The following IFT74 variants were observed in gnomAD, a reference collection of about 807,000 sequenced individuals.
IFT74 encodes intraflagellar transport protein 74 homolog.
In IFT74, 92 loss-of-function variants were observed where a neutral mutation model predicts 96.7. The ratio of observed to expected loss-of-function variants is 0.95; its 90% CI spans 0.80 to 1.13. The LOEUF (loss-of-function observed/expected upper bound fraction) is 1.13, where lower values mean the gene tolerates loss of function less well. Among genes scored for constraint, IFT74 ranks in the 50% most tolerant of loss-of-function variants. IFT74 has a pLI of 0.00. For synonymous variants in IFT74, 223 were observed against 213.2 expected, an observed-to-expected ratio of 1.05 and a Z score of -0.40; for missense variants, 811 against 698.2, an observed-to-expected ratio of 1.16 and a Z score of -1.82.
intron 4 of IFT74, among the ~76,000 whole-genome samples, chr9:26,983,037 A>T (rs917834295): frequency 1.3e-5 from 2 of 152,072 alleles, no homozygotes; most frequent in Non-Finnish European, 2.9e-5. Flanking sequence ...CATTATTTGT[A>T]TCTTCTTTCT....
chr9:26,968,424 G>T (rs981515527), intron 2 of IFT74, among the ~76,000 whole-genome samples: 4 of 151,976 alleles, frequency 2.6e-5, no homozygotes, highest in Admixed American at 2.6e-4. Context: ...ACCACGTCTG[G>T]CTAATTTTTA....
intron 16 of IFT74, among the ~76,000 whole-genome samples, chr9:27,053,009 A>G (rs1055328838): frequency 2.6e-5 from 4 of 151,794 alleles, no homozygotes; most frequent in Admixed American, 2.0e-4. Context: ...GACTACAGGC[A>G]CCCACCACCT....
intron 1 of IFT74, among the ~76,000 whole-genome samples, chr9:26,959,757 G>A (rs564089664): frequency 6.6e-6 from 1 of 152,274 alleles, no homozygotes; most frequent in African/African-American, 2.4e-5. Context: ...AGAGTGGCAG[G>A]AACAGAGGTT....
At chr9:26,985,572 A>G (rs1827595656) in intron 6 of IFT74, among the ~76,000 whole-genome samples, 1 of 152,168 alleles carries the variant, frequency 6.6e-6, no homozygotes, top group African/African-American at 2.4e-5. Flanking sequence ...AAAAATTACA[A>G]CAAATAAAGT....
chr9:27,035,714 C>A (rs1385394806), intron 13 of IFT74, among the ~76,000 whole-genome samples: 1 of 152,212 alleles, frequency 6.6e-6, no homozygotes, highest in Non-Finnish European at 1.5e-5. Flanking sequence ...TTGGAACAAA[C>A]TTCTACATAG....
intron 13 of IFT74, among the ~76,000 whole-genome samples, chr9:27,029,341 GT>G (rs879769764): frequency 2.7e-4 from 39 of 144,340 alleles, no homozygotes; most frequent in East Asian, 6.0e-4. Flanking sequence ...CAAGCAGTTT[GT>G]TTTTTTTTTT....
chr9:27,012,009 TAAA>T, intron 10 of IFT74, 41 bp downstream of exon 10: 1 of 1,306,332 alleles, frequency 7.7e-7, no homozygotes, highest in Non-Finnish European at 1.0e-6. Flanking sequence ...ACTACTCAGC[TAAA>T]AAAGTTAATT....
At chr9:27,057,632 C>T (rs568456968) in intron 18 of IFT74, among the ~76,000 whole-genome samples, 16 of 151,998 alleles carry the variant, frequency 1.1e-4, no homozygotes, top group South Asian at 2.1e-4. Context: ...CTGAGGTGGG[C>T]GGATCACGAG....
chr9:26,987,942 T>G (rs972726480), intron 6 of IFT74, among the ~76,000 whole-genome samples: 2 of 151,916 alleles, frequency 1.3e-5, no homozygotes, highest in African/African-American at 2.4e-5. Context: ...AAATTTGTTT[T>G]TTGTTGTTGT....
Position 27,056,467 on chromosome 9 carries a change from A to G in IFT74, c.1623+8A>G, listed in dbSNP as rs1344615791. The stretch of plus-strand genomic sequence containing the variant: ...AATGAGACACATTCTCAGGTAAAAA[A>G]TGTTTTAAATGACTTTGAAATTGTC... On this transcript the variant is annotated splice_region_variant and intron_variant, in intron 18 of 19. Coordinates refer to ENST00000380062, the MANE Select transcript of IFT74 (RefSeq NM_025103.4). 3 of 1,583,414 alleles carry G rather than the reference A, an allele frequency of 1.9e-6. No homozygotes were observed. The highest frequency in any genetic ancestry group is 2.6e-6 in the Non-Finnish European group (3 of 1,168,004).
chr9:27,036,353 A>C (rs1268693390), intron 13 of IFT74: 7 of 1,444,094 alleles, frequency 4.8e-6, no homozygotes, highest in Non-Finnish European at 6.4e-6. Flanking sequence ...CCTAATGCCA[A>C]AGTTAGTTTA....
chr9:27,035,262 G>A (rs961856202), intron 13 of IFT74, among the ~76,000 whole-genome samples: 8 of 152,166 alleles, frequency 5.3e-5, no homozygotes, highest in Non-Finnish European at 1.0e-4. Flanking sequence ...ATTTCCTTCA[G>A]GATGTACAAA....
At chr9:27,047,232 A>G in intron 14 of IFT74, 42 bp from the exon 15 acceptor site, 1 of 1,193,004 alleles carries the variant, frequency 8.4e-7, no homozygotes, top group Non-Finnish European at 1.2e-6. Context: ...TATAGTGTTA[A>G]CTCTATCAGC....
chr9:26,982,224 A>G (rs911834857), intron 4 of IFT74: 11 of 302,906 alleles, frequency 3.6e-5, no homozygotes, highest in African/African-American at 2.3e-4. Flanking sequence ...GTATTTGGTC[A>G]GTTGCTACCA....
At chr9:26,996,451 T>G (rs766481943) in intron 8 of IFT74, 1 of 1,564,702 alleles carries the variant, frequency 6.4e-7, no homozygotes, top group South Asian at 1.2e-5. Context: ...TTTGATATTG[T>G]AGCTCTGCAG....
chr9:26,963,548 T>G (rs888567297), intron 2 of IFT74, among the ~76,000 whole-genome samples: 9 of 150,974 alleles, frequency 6.0e-5, no homozygotes, highest in African/African-American at 2.0e-4. Flanking sequence ...ACTTCCACAA[T>G]GGTTGAACTA....
intron 2 of IFT74, among the ~76,000 whole-genome samples, chr9:26,971,967 G>A (rs1309441366): frequency 6.6e-6 from 1 of 152,110 alleles, no homozygotes; most frequent in Non-Finnish European, 1.5e-5. Flanking sequence ...TTCTTCAAGA[G>A]TTTTTCCATC....
Position 26,973,739 on chromosome 9 carries a change from C to G in IFT74, c.121-4389C>G, listed in dbSNP as rs531187402. Reference sequence around the variant, plus strand: ...AATCCTTCTCCTTCTCCTTTTACCCCAGTTCTTCTGAAGAGCCAGCAAGAT... The same window carrying G: ...AATCCTTCTCCTTCTCCTTTTACCCGAGTTCTTCTGAAGAGCCAGCAAGAT... On this transcript the variant is annotated intron_variant, in intron 2 of 19. Transcript: ENST00000380062. Among the ~76,000 whole-genome samples, 4 of 152,234 alleles carry G rather than the reference C, an allele frequency of 2.6e-5. No individual in the cohort carries two copies. In the South Asian group the frequency reaches 8.3e-4, roughly 32 times the overall value.
chr9:26,962,775 G>C (rs1826422105), intron 2 of IFT74, among the ~76,000 whole-genome samples: 1 of 151,662 alleles, frequency 6.6e-6, no homozygotes, highest in Non-Finnish European at 1.5e-5. Flanking sequence ...GAAATAACAA[G>C]TACTGAAAAG....
Sources: gnomAD v4.1 joint callset for allele counts (sites outside exome capture counted in the v4.1 genomes callset) on GRCh38, gnomAD v4.1.1 for gene constraint, MANE v1.5 for transcripts, NCBI Gene and HGNC (gene_info 2026-07-23, HGNC 2026-07-21) for gene names.